Variants in MYH1 observed in about 807,000 individuals in gnomAD.
MYH1 encodes the protein myosin heavy chain 1.
Under a neutral mutation model 225.6 loss-of-function variants are expected in MYH1, and 214 were observed. The ratio of observed to expected loss-of-function variants is 0.95; its 90% CI spans 0.85 to 1.06. The LOEUF (loss-of-function observed/expected upper bound fraction) is 1.06. Ranked by LOEUF, MYH1 falls within the 50% of genes least tolerant of loss-of-function variation. The pLI, the probability that MYH1 is intolerant of heterozygous loss-of-function variation, is 0.00. For missense variants in MYH1, 2,098 were observed against 2,344.2 expected (o/e 0.89, Z 2.17); for synonymous variants, 774 against 842.3 (o/e 0.92, Z 1.40).
At chr17:10,513,445 A>G (rs1237080310) in intron 9 of MYH1, among the ~76,000 whole-genome samples, 181 bp downstream of exon 9, 2 of 152,200 alleles carry the variant, frequency 1.3e-5, no homozygotes, top group Non-Finnish European at 2.9e-5. Flanking sequence ...CAGAAGCATT[A>G]CCTCATGACT....
chr17:10,497,654 G>A (rs926575137), intron 31 of MYH1, 80 bp downstream of exon 31: 2 of 1,573,114 alleles, frequency 1.3e-6, no homozygotes, highest in Non-Finnish European at 1.7e-6. Context: ...GCCCTCAGAT[G>A]GTTTGAATTG....
chr17:10,501,468 T>C lies in MYH1; in HGVS notation c.3380A>G (p.Glu1127Gly), dbSNP rs2142262985. Residue 1127 changes from glutamate to glycine, a missense_variant, in exon 27 of 40, where the codon GAG (glutamate) becomes GGG (glycine). Transcript: ENST00000226207. Reference sequence around the variant, plus strand: ...TTTGGCCCGGGAGGCCCGCTCTGCCTCGATTTCCTCCTCCAGCTCCTCAAT... The same window carrying C: ...TTTGGCCCGGGAGGCCCGCTCTGCCCCGATTTCCTCCTCCAGCTCCTCAAT... ...ARIEELEEEI[E>G]AERASRAKAE... 6.2e-7 allele frequency: 1 copy of C among 1,614,216 alleles called. No homozygotes were observed. The highest frequency in any genetic ancestry group is 1.3e-5 in the African/African-American group (1 of 75,064).
At chr17:10,495,813 A>C in intron 35 of MYH1, 137 bp downstream of exon 35, 1 of 967,282 alleles carries the variant, frequency 1.0e-6, no homozygotes, top group Non-Finnish European at 1.5e-6. Flanking sequence ...AAGAATATAG[A>C]TAATCAAAAA....
intron 36 of MYH1, 21 bp downstream of exon 36, chr17:10,495,171 A>C (rs759845045): frequency 1.2e-6 from 2 of 1,613,934 alleles, no homozygotes; most frequent in African/African-American, 2.7e-5. Context: ...TTTGACCACC[A>C]CTGTGTTACC....
At chr17:10,518,444 A>T (rs1340780441) in intron 1 of MYH1, 76 bp downstream of exon 1, 1 of 152,164 alleles carries the variant, frequency 6.6e-6, no homozygotes, top group African/African-American at 2.4e-5. Context: ...GGGAGCCAGG[A>T]TGTGTGGCAT....
chr17:10,510,455 G>GT (rs1477470127), intron 14 of MYH1, among the ~76,000 whole-genome samples: 8 of 152,182 alleles, frequency 5.3e-5, no homozygotes, highest in Non-Finnish European at 1.0e-4. Context: ...AGTAACTTGT[G>GT]TAAGACCATG....
intron 19 of MYH1, 32 bp from the exon 20 acceptor site, chr17:10,505,543 T>A (rs1362868072): frequency 6.2e-7 from 1 of 1,607,592 alleles, no homozygotes; most frequent in Non-Finnish European, 8.5e-7. Flanking sequence ...ATGATATGGC[T>A]GTTGCCACAG....
rs1361238055 is a variant in MYH1, at chr17:10,497,908, C to T, written c.4191G>A (p.Leu1397=). ...CCTCAGCATCCTGCAGACGCTGAGC[C>T]AGCTTCTTCCTATGAAATATGGGCA... ...TEELEEAKKK[L]AQRLQDAEEH... is the part of the protein sequence containing the mutation. The change falls in exon 31 of 40, where the codon CTG becomes CTA. Residue 1397 remains leucine, a synonymous_variant. Coordinates refer to ENST00000226207, the MANE Select transcript of MYH1 (RefSeq NM_005963.4). The T allele has an allele frequency of 1.3e-6, 2 of 1,593,056 alleles. No homozygotes were observed. The highest frequency in any genetic ancestry group is 2.2e-5 in the East Asian group (1 of 44,786).
chr17:10,509,609 A>G lies in MYH1; in HGVS notation c.1463T>C (p.Leu488Pro). Residue 488 changes from leucine (L) to proline (P), a missense_variant, in exon 15 of 40, where the codon CTG (leucine) becomes CCG (proline). Coordinates refer to ENST00000226207, the MANE Select transcript of MYH1 (RefSeq NM_005963.4). Reference protein sequence around the residue: ...QLCINFTNEKLQQFFNHHMFV... With the variant: ...QLCINFTNEKPQQFFNHHMFV... ...CATGTGGTGGTTGAAAAACTGTTGC[A>G]GTTTCTCATTGGTGAAGTTGATGCA... The G allele has an allele frequency of 5.6e-6, 9 of 1,614,180 alleles. No individual in the cohort carries two copies. The highest frequency in any genetic ancestry group is 7.6e-6 in the Non-Finnish European group (9 of 1,180,038).
At chr17:10,506,231 A>G in intron 17 of MYH1, 132 bp from the exon 18 acceptor site, 5 of 1,177,152 alleles carry the variant, frequency 4.2e-6, no homozygotes, top group Non-Finnish European at 5.9e-6. Flanking sequence ...ATTTTCAAAG[A>G]GTTATCTCTG....
rs374736351 is a variant in MYH1, at chr17:10,513,684, T to C, written c.747A>G (p.Lys249=). ...TGGTACCGAAGTGGATCCTGATGAA[T>C]TTACCCTTGTAAGTAAAAAAAATGA... ...VRNDNSSRFG[K]FIRIHFGTTG... Residue 249 remains lysine (K), a synonymous_variant, in exon 9 of 40, where the codon AAA becomes AAG. Transcript: ENST00000226207. 3.8e-5 allele frequency: 62 copies of C among 1,613,998 alleles called. No individual in the cohort carries two copies. In the Middle Eastern group the frequency reaches 9.9e-4, roughly 26 times the overall value.
chr17:10,507,785 A>T, intron 17 of MYH1, 101 bp downstream of exon 17: 1 of 945,014 alleles, frequency 1.1e-6, no homozygotes, highest in Admixed American at 2.0e-5. Flanking sequence ...TCGTTGAGTC[A>T]CATCAGTTCT....
intron 23 of MYH1, 33 bp downstream of exon 23, chr17:10,502,973 C>T: frequency 6.2e-7 from 1 of 1,614,114 alleles, no homozygotes; most frequent in Non-Finnish European, 8.5e-7. Flanking sequence ...GGTGGCAGAA[C>T]CTCTATACAG....
chr17:10,506,350 T>C (rs1366237169), intron 17 of MYH1, among the ~76,000 whole-genome samples: 1 of 152,170 alleles, frequency 6.6e-6, no homozygotes, highest in Non-Finnish European at 1.5e-5. Context: ...AATTTCCTAG[T>C]ATATGTTTTA....
chr17:10,510,438 G>T (rs1200287280), intron 14 of MYH1, among the ~76,000 whole-genome samples: 1 of 152,140 alleles, frequency 6.6e-6, no homozygotes, highest in Non-Finnish European at 1.5e-5. Context: ...CACTATTAGG[G>T]AGGCTAAGTA....
Position 10,496,242 on chromosome 17 carries a change from T to C in MYH1, c.4964A>G (p.Lys1655Arg), listed in dbSNP as rs763324729. 1.4e-5 allele frequency: 22 copies of C among 1,614,042 alleles called. No homozygotes were observed. Among genetic ancestry groups the C allele is most frequent in the African/African-American group, 2.7e-5 (2 of 74,916 alleles). ...RNYRNTQAIL[K>R]DTQLHLDDAL... ...GGATCATCTGTTGGACATATTTACC[T>C]TGAGGATGGCTTGGGTGTTCCTATA... The change falls in exon 34 of 40, where the codon AAG (lysine) becomes AGG (arginine). Residue 1655 changes from lysine (K) to arginine (R), a missense_variant and splice_region_variant. Lys to Arg is a conservative substitution (Grantham distance 26). Transcript: ENST00000226207.
intron 14 of MYH1, 31 bp downstream of exon 14, chr17:10,511,808 C>A (rs753407089): frequency 2.5e-6 from 4 of 1,613,728 alleles, no homozygotes; most frequent in Non-Finnish European, 3.4e-6. Flanking sequence ...TTGTTGGAAA[C>A]TTTTTTGGTA....
In MYH1 at chr17:10,511,970, C is replaced by A; in HGVS notation, c.1285G>T (p.Ala429Ser). The change falls in exon 14 of 40, where the codon GCT (alanine) becomes TCT (serine). Residue 429 changes from alanine to serine, a missense_variant. Physicochemically the swap from Ala to Ser is moderately conservative, Grantham distance 99. Transcript: ENST00000226207. ...TVQQVYNAVG[A>S]LAKAVYDKMF... ...TTATCGTAGACAGCTTTGGCCAGAG[C>A]ACCCACTGCATTGTACACCTTCACA... 6.2e-7 allele frequency: 1 copy of A among 1,614,170 alleles called. No individual in the cohort carries two copies. The highest frequency in any genetic ancestry group is 8.5e-7 in the Non-Finnish European group (1 of 1,180,018).
chr17:10,499,603 T>C (rs1330021248), intron 28 of MYH1, among the ~76,000 whole-genome samples: 1 of 152,190 alleles, frequency 6.6e-6, no homozygotes, highest in Non-Finnish European at 1.5e-5. Flanking sequence ...CCAGAATGAA[T>C]TGGTTTCTGG....
Sources: allele counts gnomAD v4.1 joint callset (sites outside exome capture counted in the v4.1 genomes callset), GRCh38; gene constraint gnomAD v4.1.1; transcripts MANE v1.5; gene names NCBI Gene and HGNC (gene_info 2026-07-23, HGNC 2026-07-21).